The following SELENOW variants were observed in gnomAD, a reference collection of about 807,000 sequenced individuals.
SELENOW encodes selenoprotein W, 1.
In SELENOW, 20 loss-of-function variants were observed where a neutral mutation model predicts 16.6. That is an observed-to-expected ratio of 1.21 (90% CI 0.85 to 1.76). The LOEUF (loss-of-function observed/expected upper bound fraction) is 1.76. SELENOW is among the 40% of genes most tolerant of loss of function. SELENOW has a pLI of 0.00. For missense variants in SELENOW, 124 were observed against 111.0 expected, an observed-to-expected ratio of 1.12 and a Z score of -0.53; for synonymous variants, 44 against 46.2, an observed-to-expected ratio of 0.95 and a Z score of 0.19.
Position 47,778,834 on chromosome 19 carries a change from G to GC in SELENOW, c.29+25dup. The GC allele has an allele frequency of 1.3e-6, 2 of 1,597,860 alleles. No individual in the cohort carries two copies. The highest frequency in any genetic ancestry group is 1.7e-6 in the Non-Finnish European group (2 of 1,173,406). On this transcript the variant is annotated intron_variant, in intron 1 of 5. Coordinates refer to ENST00000601048, the MANE Select transcript of SELENOW (RefSeq NM_003009.4). Reference sequence around the variant, plus strand: ...TTATTGGTAAGCCCAGCGGCCAGCGGCCCCCGTCCCCGACCCCCGCCGGGA... The same window carrying GC: ...TTATTGGTAAGCCCAGCGGCCAGCGGCCCCCCGTCCCCGACCCCCGCCGGGA...
At chr19:47,780,178 C>T (rs757399203) in intron 1 of SELENOW, 3 of 445,190 alleles carry the variant, frequency 6.7e-6, no homozygotes, top group South Asian at 3.1e-5. Flanking sequence ...GAGGCTGGGG[C>T]GGGCCGATCC....
intron 1 of SELENOW, 97 bp from the exon 2 acceptor site, chr19:47,780,628 G>C: frequency 1.0e-6 from 1 of 1,004,798 alleles, no homozygotes. Flanking sequence ...GCCCCATCTT[G>C]CTCTCTCCCC....
chr19:47,778,755 C>A lies in SELENOW; in HGVS notation c.-31C>A. The A allele has an allele frequency of 6.3e-7, 1 of 1,596,496 alleles. No individual in the cohort carries two copies. Among genetic ancestry groups the A allele is most frequent in the Non-Finnish European group, 8.5e-7 (1 of 1,172,618 alleles). On this transcript the variant is annotated 5_prime_UTR_variant, in exon 1 of 6. Coordinates refer to ENST00000601048, the MANE Select transcript of SELENOW (RefSeq NM_003009.4). ...GGGAGGTTAGTGTGGCCCGGGCGTC[C>A]GCTCCTCAGCGGATGTGGCAGCCCC...
In SELENOW at chr19:47,780,173, T is replaced by C. The variant is rs1161847051; in HGVS notation, c.30-552T>C. On this transcript the variant is annotated intron_variant, in intron 1 of 5. Transcript: ENST00000601048. ...CTGTAATCTCAGCACTTTGGGAGGC[T>C]GGGGCGGGCCGATCCCCTGAGGTTA... is the stretch of plus-strand genomic sequence containing the variant. 1.3e-4 allele frequency: 60 copies of C among 449,966 alleles called. No individual in the cohort carries two copies. In the Admixed American group the frequency reaches 1.4e-3, roughly 10 times the overall value. 27.9% of individuals were successfully genotyped at this position (449,966 alleles called of 1,614,324 possible). A position where few individuals can be genotyped will look rare whatever the true frequency, so the allele number is the denominator to read the frequency against.
At chr19:47,780,642 C>T (rs1478189937) in intron 1 of SELENOW, 83 bp from the exon 2 acceptor site, 2 of 1,225,502 alleles carry the variant, frequency 1.6e-6, no homozygotes, top group Non-Finnish European at 2.3e-6. Flanking sequence ...TCTCCCCACA[C>T]CGCCTGTGTC....
chr19:47,779,971 G>C, intron 1 of SELENOW: 1 of 313,462 alleles, frequency 3.2e-6, no homozygotes, highest in Non-Finnish European at 6.7e-6. Flanking sequence ...CAACGTCTCT[G>C]CCTGCTCGAC....
Position 47,781,111 on chromosome 19 carries a change from G to T in SELENOW, c.112G>T (p.Gly38Cys), listed in dbSNP as rs765815250. Residue 38 changes from glycine to cysteine, a missense_variant, in exon 4 of 6, where the codon GGC (glycine) becomes TGC (cysteine). By Grantham distance (159) the Gly-to-Cys change is radical. Transcript: ENST00000601048. ...CTCCCCTACCCCCTTTCCTCAGTGC[G>T]GCGAGGGAACTCCCCAGGCCACCGG... ...DEFPGRLDIC[G>C]EGTPQATGFF... 13 of 1,613,626 alleles carry T rather than the reference G, an allele frequency of 8.1e-6. No homozygotes were observed. The highest frequency in any genetic ancestry group is 1.6e-4 in the Middle Eastern group (1 of 6,062).
chr19:47,783,190 C>T (rs1967495240), intron 5 of SELENOW: 1 of 151,746 alleles, frequency 6.6e-6, no homozygotes, highest in African/African-American at 2.4e-5. Context: ...AGATGTCTGC[C>T]ACCATGCTGG....
rs756996845 is a variant in SELENOW, at chr19:47,781,378, T to C, written c.*8T>C. The C allele has an allele frequency of 5.7e-6, 9 of 1,568,608 alleles. No homozygotes were observed. In the East Asian group the frequency reaches 2.1e-4, roughly 36 times the overall value. The stretch of plus-strand genomic sequence containing the variant: ...GCCTTGGCTCAGGGCTAATGCGCCC[T>C]GAAGGCAGAGGTGAGGGGGCCCACT... On this transcript the variant is annotated 3_prime_UTR_variant, in exon 5 of 6. Transcript: ENST00000601048.
chr19:47,778,999 C>G (rs1967440881), intron 1 of SELENOW, 185 bp downstream of exon 1: 1 of 566,878 alleles, frequency 1.8e-6, no homozygotes, highest in Non-Finnish European at 3.1e-6. Flanking sequence ...CCCTAGGCCC[C>G]GTCTTCGACT....
At chr19:47,781,489 G>A in intron 5 of SELENOW, 101 bp downstream of exon 5, 1 of 693,454 alleles carries the variant, frequency 1.4e-6, no homozygotes, top group South Asian at 1.6e-5. Context: ...AGATGGGGGG[G>A]ACATCACGTG....
At chr19:47,783,308 C>T (rs897924554) in intron 5 of SELENOW, 1 of 152,074 alleles carries the variant, frequency 6.6e-6, no homozygotes, top group African/African-American at 2.4e-5. Context: ...TCACGCCATT[C>T]TCCTGCCTCA....
In SELENOW at chr19:47,779,006, G is replaced by T. The variant is rs890707497; in HGVS notation, c.29+192G>T. On this transcript the variant is annotated intron_variant, in intron 1 of 5. Coordinates refer to ENST00000601048, the MANE Select transcript of SELENOW (RefSeq NM_003009.4). ...GCGGTCGTCCCTAGGCCCCGTCTTC[G>T]ACTTGTGACACGCTGGGCATCTCGG... 6.9e-5 allele frequency: 39 copies of T among 565,578 alleles called. No individual in the cohort carries two copies. In the African/African-American group the frequency reaches 7.2e-4, roughly 10 times the overall value. The allele number at this position is 565,578 out of a possible 1,614,324, so 35.0% of individuals were successfully genotyped here.
intron 4 of SELENOW, 42 bp downstream of exon 4, chr19:47,781,224 TG>T (rs1384987711): frequency 6.2e-7 from 1 of 1,605,556 alleles, no homozygotes; most frequent in Non-Finnish European, 8.5e-7. Context: ...GGGGCTAGCA[TG>T]GGGTTGGGGC....
chr19:47,780,504 G>A (rs929311271), intron 1 of SELENOW: 6 of 581,200 alleles, frequency 1.0e-5, no homozygotes, highest in Non-Finnish European at 1.8e-5. Flanking sequence ...GTGTCCCCGC[G>A]CCACCCCCTG....
intron 1 of SELENOW, chr19:47,779,817 A>AT (rs1483761588): frequency 5.7e-6 from 1 of 175,762 alleles, no homozygotes; most frequent in African/African-American, 2.4e-5. Flanking sequence ...TCAAAAAAAA[A>AT]AAGTAAATTA....
rs187606716 is a variant in SELENOW at position 47,781,205 on chromosome 19, C to T, written c.183+23C>T. The T allele has an allele frequency of 6.2e-6, 10 of 1,612,054 alleles. No individual in the cohort carries two copies. In the East Asian group the frequency reaches 2.2e-4, roughly 36 times the overall value. ...AAGGTATGTCTGTCTGTCCGTCCTG[C>T]CTGGTTTTGGGGCTAGCATGGGGTT... On this transcript the variant is annotated intron_variant, in intron 4 of 5. Transcript: ENST00000601048.
intron 1 of SELENOW, chr19:47,779,062 T>A: frequency 1.9e-6 from 1 of 513,340 alleles, no homozygotes. Flanking sequence ...GACGAGTGTG[T>A]GTCAATTTCG....
At position 47,781,458 on chromosome 19, in the gene SELENOW, G is replaced by A; in HGVS notation, c.*18+70G>A. The A allele has an allele frequency of 6.8e-6, 6 of 883,514 alleles. No individual in the cohort carries two copies. The South Asian group carries it at 7.2e-5, about 11-fold the overall frequency. The allele number at this position is 883,514 out of a possible 1,614,324, so 54.7% of individuals were successfully genotyped here. Reference sequence around the variant, plus strand: ...CCCTGCCCCATGCTCTGACTCCTTGGCCCAGGGTGGAGAGCCTGGGAGATG... The same window carrying A: ...CCCTGCCCCATGCTCTGACTCCTTGACCCAGGGTGGAGAGCCTGGGAGATG... On this transcript the variant is annotated intron_variant, in intron 5 of 5. Transcript: ENST00000601048.
Sources: gnomAD v4.1 joint callset for allele counts on GRCh38, gnomAD v4.1.1 for gene constraint, MANE v1.5 for transcripts, NCBI Gene and HGNC (gene_info 2026-07-23, HGNC 2026-07-21) for gene names.